MYO5B: variants seen among roughly 807,000 people sequenced by gnomAD.
MYO5B encodes myosin VB.
Under a neutral mutation model 229.3 loss-of-function variants are expected in MYO5B, and 143 were observed. The ratio of observed to expected loss-of-function variants is 0.62; its 90% CI spans 0.54 to 0.72. The LOEUF (loss-of-function observed/expected upper bound fraction) is 0.72, where lower values mean the gene tolerates loss of function less well. Ranked by LOEUF, MYO5B falls within the 30% of genes least tolerant of loss-of-function variation. The pLI, the probability that MYO5B is intolerant of heterozygous loss-of-function variation, is 0.00. For synonymous variants in MYO5B, 918 were observed against 885.2 expected (o/e 1.04, Z -0.66); for missense variants, 2,321 against 2,331.0 (o/e 1.00, Z 0.09).
chr18:50,058,365 G>C (rs1000952321), intron 1 of MYO5B, among the ~76,000 whole-genome samples: 7 of 152,184 alleles, frequency 4.6e-5, no homozygotes, highest in Admixed American at 1.3e-4. Context: ...AGCTATTCAG[G>C]AGGCTGAGGC....
Position 49,878,938 on chromosome 18 carries a change from C to G in MYO5B, c.3276+7G>C. The stretch of plus-strand genomic sequence containing the variant: ...GTGCCATGGCACAGCAGAAGCACCC[C>G]CCTTGCCTTTATGATGGTCATTTCA... On this transcript the variant is annotated splice_region_variant and intron_variant, in intron 24 of 39. Transcript: ENST00000285039. 1 of 1,614,114 alleles carries G rather than the reference C, an allele frequency of 6.2e-7. No homozygotes were observed. The highest frequency in any genetic ancestry group is 1.1e-5 in the South Asian group (1 of 91,076).
intron 17 of MYO5B, among the ~76,000 whole-genome samples, chr18:49,924,110 T>C (rs999979171): frequency 9.9e-5 from 15 of 152,172 alleles, no homozygotes; most frequent in African/African-American, 3.6e-4. Context: ...AGCTTTCTAA[T>C]TGCTTGAAGA....
chr18:50,117,655 A>C (rs759945599), intron 1 of MYO5B, among the ~76,000 whole-genome samples: 9 of 152,120 alleles, frequency 5.9e-5, no homozygotes, highest in Admixed American at 3.3e-4. Context: ...CAGGGCCATT[A>C]TTCTCTATCC....
At chr18:49,980,870 T>G (rs1249646194) in intron 8 of MYO5B, among the ~76,000 whole-genome samples, 2 of 152,252 alleles carry the variant, frequency 1.3e-5, no homozygotes, top group African/African-American at 4.8e-5. Flanking sequence ...ATTTTGGGCT[T>G]CATTTCAACC....
At chr18:49,936,115 G>T (rs564698734) in intron 16 of MYO5B, 137 bp downstream of exon 16, 179 of 750,694 alleles carry the variant, frequency 2.4e-4, no homozygotes, top group Non-Finnish European at 3.8e-4. Flanking sequence ...TCTGCAGCAA[G>T]TAAGATGTCT....
chr18:49,938,947 C>T (rs1179521491), intron 14 of MYO5B, among the ~76,000 whole-genome samples: 1 of 149,740 alleles, frequency 6.7e-6, no homozygotes, highest in Non-Finnish European at 1.5e-5. Flanking sequence ...GACACCCTCA[C>T]CCCCTCAAGG....
In MYO5B at chr18:50,055,195, ACTC is replaced by A. The variant is rs960011641; in HGVS notation, c.138+70_138+72del. 2.7e-5 allele frequency: 27 copies of A among 1,002,980 alleles called. No homozygotes were observed. The Admixed American group carries it at 5.1e-4, about 19-fold the overall frequency. The allele number at this position is 1,002,980 out of a possible 1,614,324, so 62.1% of individuals were successfully genotyped here. ...AACTCCAGCCCACAATGTACTATCT[ACTC>A]CTGTTCCTTGCACACCTGAGCTCCC... is the stretch of plus-strand genomic sequence containing the variant. On this transcript the variant is annotated intron_variant, in intron 2 of 39. Transcript: ENST00000285039.
intron 1 of MYO5B, among the ~76,000 whole-genome samples, chr18:50,181,492 T>C (rs569264169): frequency 2.4e-4 from 36 of 152,348 alleles, no homozygotes; most frequent in Admixed American, 7.2e-4. Context: ...ACCAGCTTAG[T>C]TGTGTGAATA....
At chr18:50,008,472 G>A (rs1417246411) in intron 4 of MYO5B, among the ~76,000 whole-genome samples, 2 of 152,146 alleles carry the variant, frequency 1.3e-5, no homozygotes, top group Non-Finnish European at 2.9e-5. Flanking sequence ...ACAAGTTACT[G>A]CCTGCAAACT....
chr18:49,988,852 G>C (rs912912825), intron 7 of MYO5B, among the ~76,000 whole-genome samples: 1 of 152,158 alleles, frequency 6.6e-6, no homozygotes, highest in Non-Finnish European at 1.5e-5. Flanking sequence ...CTGCTTAGCA[G>C]GGAACACACA....
At chr18:50,027,131 T>C (rs2026339668) in intron 4 of MYO5B, among the ~76,000 whole-genome samples, 2 of 152,222 alleles carry the variant, frequency 1.3e-5, no homozygotes, top group Admixed American at 6.5e-5. Context: ...ACGAGGTAAA[T>C]AGCAATGCCA....
intron 4 of MYO5B, among the ~76,000 whole-genome samples, chr18:50,020,584 C>T (rs1335229626): frequency 1.3e-5 from 2 of 152,194 alleles, no homozygotes; most frequent in Non-Finnish European, 2.9e-5. Flanking sequence ...ATGCTGAAAT[C>T]ATTTACCTAC....
Position 49,847,130 on chromosome 18 carries a change from C to T in MYO5B, c.4459+16G>A. The T allele has an allele frequency of 6.2e-7, 1 of 1,613,900 alleles. No homozygotes were observed. Among genetic ancestry groups the T allele is most frequent in the Non-Finnish European group, 8.5e-7 (1 of 1,179,962 alleles). On this transcript the variant is annotated intron_variant, in intron 33 of 39. Transcript: ENST00000285039. ...AGGAGGGGCAGGCAGCATAGGGTGG[C>T]ACAGAGGGTCCTTACCTGTCACCAG...
chr18:49,832,821 G>A (rs971531493), intron 39 of MYO5B, among the ~76,000 whole-genome samples: 8 of 152,162 alleles, frequency 5.3e-5, no homozygotes, highest in Non-Finnish European at 7.3e-5. Context: ...TATTTAGGGA[G>A]GAATAAGCAA....
chr18:49,885,388 G>A (rs1198319619), intron 22 of MYO5B, among the ~76,000 whole-genome samples: 1 of 152,146 alleles, frequency 6.6e-6, no homozygotes, highest in African/African-American at 2.4e-5. Flanking sequence ...TGACCACGTG[G>A]AGCAGAGGAG....
Position 49,837,602 on chromosome 18 carries a change from G to A in MYO5B, c.5053C>T (p.Leu1685Phe), listed in dbSNP as rs756487835. 3.1e-6 allele frequency: 5 copies of A among 1,613,998 alleles called. No homozygotes were observed. Among genetic ancestry groups the A allele is most frequent in the Non-Finnish European group, 3.4e-6 (4 of 1,179,862 alleles). The change falls in exon 37 of 40, where the codon CTC (leucine) becomes TTC (phenylalanine). Residue 1685 changes from leucine to phenylalanine, a missense_variant. Physicochemically the swap from Leu to Phe is conservative, Grantham distance 22. Around this residue, in one of 2 missense-constraint regions of MYO5B, gnomAD observed 208 missense variants for 286.3 expected, o/e 0.73. Coordinates refer to ENST00000285039, the MANE Select transcript of MYO5B (RefSeq NM_001080467.3). The part of the protein sequence containing the change: ...PEIILQVFKQ[L>F]FYMINAVTLN... ...GTCACTGCGTTGATCATGTAGAAGA[G>A]CTGTTTGAATACCTGCAGGATGATC...
chr18:50,070,039 T>TTTTTTTTA (rs2030917168), intron 1 of MYO5B, among the ~76,000 whole-genome samples: 1 of 129,650 alleles, frequency 7.7e-6, no homozygotes, highest in African/African-American at 3.0e-5. Context: ...TTTTTTTTTT[T>TTTTTTTTA]GAGACAGGGT....
intron 2 of MYO5B, among the ~76,000 whole-genome samples, chr18:50,041,507 G>A (rs2144392338): frequency 6.6e-6 from 1 of 152,052 alleles, no homozygotes; most frequent in Admixed American, 6.5e-5. Context: ...AGCACATACA[G>A]AAAAATTGTA....
chr18:50,021,600 T>C (rs2026275507), intron 4 of MYO5B, among the ~76,000 whole-genome samples: 1 of 152,028 alleles, frequency 6.6e-6, no homozygotes, highest in African/African-American at 2.4e-5. Flanking sequence ...TCACGCTCTG[T>C]CTGATGGGAG....
Sources: allele counts gnomAD v4.1 joint callset (sites outside exome capture counted in the v4.1 genomes callset), GRCh38; gene constraint gnomAD v4.1.1; regional missense constraint gnomAD v4.1.1; transcripts MANE v1.5; gene names NCBI Gene and HGNC (gene_info 2026-07-23, HGNC 2026-07-21).